TRAP1: variants seen among roughly 807,000 people sequenced by gnomAD.
TRAP1 encodes the protein heat shock protein 75 kDa, mitochondrial.
A neutral mutation model predicts 89.1 loss-of-function variants in TRAP1; 102 were observed. That is an observed-to-expected ratio of 1.15 (90% confidence interval 0.98 to 1.35). TRAP1 has a LOEUF of 1.35. Among genes scored for constraint, TRAP1 ranks in the 40% most tolerant of loss-of-function variants. The pLI, the probability that TRAP1 is intolerant of heterozygous loss-of-function variation, is 0.00. For missense variants in TRAP1, 1,256 were observed against 945.3 expected, an observed-to-expected ratio of 1.33 and a Z score of -4.31; for synonymous variants, 508 against 388.0, an observed-to-expected ratio of 1.31 and a Z score of -3.64.
chr16:3,658,170 G>C lies in TRAP1; in HGVS notation c.2074C>G (p.Arg692Gly), dbSNP rs143664485. The change falls in exon 18 of 18, where the codon CGC becomes GGC. Residue 692 changes from arginine (R) to glycine (G), a missense_variant. Transcript: ENST00000246957. ...LVDDPRAMVG[R>G]LNELLVKALE... ...GCCTTGACAAGCAGCTCATTCAAGC[G>C]GCCCACCATGGCCCTAGGGTCGTCA... 6.2e-7 allele frequency: 1 copy of C among 1,613,942 alleles called. No homozygotes were observed. The highest frequency in any genetic ancestry group is 1.1e-5 in the South Asian group (1 of 91,074).
intron 1 of TRAP1, among the ~76,000 whole-genome samples, chr16:3,709,054 A>G (rs940750919): frequency 6.6e-6 from 1 of 151,580 alleles, no homozygotes; most frequent in Non-Finnish European, 1.5e-5. Context: ...TGACCTCATG[A>G]TCCGCCCGCC....
intron 4 of TRAP1, 24 bp from the exon 5 acceptor site, chr16:3,679,814 GC>G: frequency 6.2e-7 from 1 of 1,613,144 alleles, no homozygotes; most frequent in Non-Finnish European, 8.5e-7. Flanking sequence ...CGCACTAAGT[GC>G]CAAGCCCCCA....
At chr16:3,717,391 C>A in intron 1 of TRAP1, 30 bp downstream of exon 1, 1 of 996,320 alleles carries the variant, frequency 1.0e-6, no homozygotes. Flanking sequence ...CCCGGCCCGC[C>A]CGCTGCCCGT....
At position 3,710,683 on chromosome 16, in the gene TRAP1, T is replaced by G. The variant is rs116129705; in HGVS notation, c.88+6738A>C. On this transcript the variant is annotated intron_variant, in intron 1 of 17. Transcript: ENST00000246957. ...GCAAGTGTGAACTAACATGGCAATG[T>G]GCTGTCTTAATTTCTCCTTCGAGGT... 3.2e-3 allele frequency among the ~76,000 whole-genome samples: 484 copies of G among 152,200 alleles called. 6 individuals are homozygous for G. The highest frequency in any genetic ancestry group is 0.011 in the African/African-American group (470 of 41,522).
At chr16:3,682,631 A>C (rs1024049567) in intron 4 of TRAP1, among the ~76,000 whole-genome samples, 16 of 152,080 alleles carry the variant, frequency 1.1e-4, no homozygotes, top group African/African-American at 3.9e-4. Flanking sequence ...GAGCTCAGAC[A>C]ATCTGCCCGC....
intron 11 of TRAP1, among the ~76,000 whole-genome samples, chr16:3,670,375 T>G (rs1254791061): frequency 4.6e-5 from 2 of 43,542 alleles, no homozygotes; most frequent in African/African-American, 4.6e-4. Context: ...AGAGCAAGAC[T>G]CCGTCTCAAA....
intron 8 of TRAP1, 99 bp from the exon 9 acceptor site, chr16:3,674,593 G>A: frequency 6.9e-7 from 1 of 1,446,790 alleles, no homozygotes; most frequent in Non-Finnish European, 9.3e-7. Flanking sequence ...GCCCTGGACA[G>A]GCTCCTGGGA....
chr16:3,688,354 C>G (rs550886597), intron 3 of TRAP1, among the ~76,000 whole-genome samples: 15 of 152,130 alleles, frequency 9.9e-5, no homozygotes, highest in African/African-American at 1.4e-4. Context: ...ACACACAGGA[C>G]TGGGGAACCT....
At chr16:3,715,223 G>C (rs575894941) in intron 1 of TRAP1, among the ~76,000 whole-genome samples, 12 of 152,324 alleles carry the variant, frequency 7.9e-5, no homozygotes, top group African/African-American at 2.4e-4. Context: ...CGGATCACGA[G>C]GTCAGGAGAT....
intron 4 of TRAP1, among the ~76,000 whole-genome samples, chr16:3,684,344 T>G (rs1229242345): frequency 6.6e-6 from 1 of 152,234 alleles, no homozygotes; most frequent in African/African-American, 2.4e-5. Flanking sequence ...CTGCATATTT[T>G]ATTCCCTAGA....
chr16:3,677,502 C>G lies in TRAP1; in HGVS notation c.700G>C (p.Asp234His), dbSNP rs1245250507. ...PGSLGYQWLS[D>H]GSGVFEIAEA... ...CAGGCGACATTCGTCACTCACCCAT[C>G]TGAAAGCCACTGGTAACCCAGGCTC... Residue 234 changes from aspartate to histidine, a missense_variant, in exon 6 of 18, where the codon GAT (aspartate) becomes CAT (histidine). Transcript: ENST00000246957. 5 of 1,614,218 alleles carry G rather than the reference C, an allele frequency of 3.1e-6. No individual in the cohort carries two copies. The highest frequency in any genetic ancestry group is 4.2e-6 in the Non-Finnish European group (5 of 1,180,048).
At position 3,695,761 on chromosome 16, in the gene TRAP1, G is replaced by A. The variant is rs150097471; in HGVS notation, c.89-4776C>T. The stretch of plus-strand genomic sequence containing the variant: ...GACAGCACACCATCACCAGGCTCGG[G>A]CAGGAGATGTGTCCCCTGCGGAGTC... On this transcript the variant is annotated intron_variant, in intron 1 of 17. Coordinates refer to ENST00000246957, the MANE Select transcript of TRAP1 (RefSeq NM_016292.3). 8.1e-4 allele frequency among the ~76,000 whole-genome samples: 124 copies of A among 152,178 alleles called. 4 individuals are homozygous for A. In the East Asian group the frequency reaches 0.022, roughly 27 times the overall value.
rs555361319 is a variant in TRAP1 at position 3,701,029 on chromosome 16, G to T, written c.89-10044C>A. ...GCAAGGATTGTCAGAATTGGTAAAG[G>T]AAGACCTAATTACATGCTATCTACA... is the stretch of plus-strand genomic sequence containing the variant. On this transcript the variant is annotated intron_variant, in intron 1 of 17. Coordinates refer to ENST00000246957, the MANE Select transcript of TRAP1 (RefSeq NM_016292.3). Among the ~76,000 whole-genome samples, 7 of 152,212 alleles carry T rather than the reference G, an allele frequency of 4.6e-5. 1 individual carries two copies. The highest frequency in any genetic ancestry group is 3.9e-4 in the Admixed American group (6 of 15,282).
Position 3,689,307 on chromosome 16 carries a change from C to G in TRAP1, c.248-170G>C, listed in dbSNP as rs537889116. Among the ~76,000 whole-genome samples, 719 of 149,126 alleles carry G rather than the reference C, an allele frequency of 4.8e-3. 7 individuals carry two copies. The highest frequency in any genetic ancestry group is 0.016 in the African/African-American group (657 of 40,176). ...TCACCCAGGCTGGAGTACAGTGGCACGATCTCGGCTCACTGCAAGCTCTGC... is the reference window on the plus strand; with the variant it reads ...TCACCCAGGCTGGAGTACAGTGGCAGGATCTCGGCTCACTGCAAGCTCTGC... On this transcript the variant is annotated intron_variant, in intron 2 of 17. Coordinates refer to ENST00000246957, the MANE Select transcript of TRAP1 (RefSeq NM_016292.3).
At chr16:3,667,131 A>G (rs2050844191) in intron 11 of TRAP1, among the ~76,000 whole-genome samples, 2 of 152,102 alleles carry the variant, frequency 1.3e-5, no homozygotes. Flanking sequence ...GAAGGTGTCT[A>G]TGCAGGGCCA....
At chr16:3,705,697 T>A (rs2051433266) in intron 1 of TRAP1, among the ~76,000 whole-genome samples, 1 of 152,144 alleles carries the variant, frequency 6.6e-6, no homozygotes. Context: ...AAATTTTTTG[T>A]GAGACAGAGT....
chr16:3,676,446 G>A, intron 6 of TRAP1: 1 of 212,170 alleles, frequency 4.7e-6, no homozygotes, highest in South Asian at 1.5e-4. Flanking sequence ...AAGCAGGCCT[G>A]GGGCACTGTG....
chr16:3,697,706 C>G (rs1362965462), intron 1 of TRAP1, among the ~76,000 whole-genome samples: 1 of 150,330 alleles, frequency 6.7e-6, no homozygotes, highest in Non-Finnish European at 1.5e-5. Flanking sequence ...GTTGTAAAAG[C>G]CTTCCTCACT....
intron 1 of TRAP1, among the ~76,000 whole-genome samples, chr16:3,693,536 G>A (rs1355367334): frequency 6.6e-6 from 1 of 152,168 alleles, no homozygotes; most frequent in Non-Finnish European, 1.5e-5. Flanking sequence ...GCACAGGAGG[G>A]AAGTGTCCAA....
Sources: gnomAD v4.1 joint callset for allele counts (sites outside exome capture counted in the v4.1 genomes callset) on GRCh38, gnomAD v4.1.1 for gene constraint, MANE v1.5 for transcripts, NCBI Gene and HGNC (gene_info 2026-07-23, HGNC 2026-07-21) for gene names.